FREM1: variants seen among roughly 807,000 people sequenced by gnomAD.
FREM1 encodes FRAS1 related extracellular matrix 1.
Under a neutral mutation model 210.1 loss-of-function variants are expected in FREM1, and 220 were observed. The observed-to-expected ratio is 1.05, with a 90% confidence interval of 0.94 to 1.17. FREM1 has a LOEUF of 1.17. Ranked by LOEUF, FREM1 falls within the 50% of genes most tolerant of loss-of-function variation. The pLI, the probability that FREM1 is intolerant of heterozygous loss-of-function variation, is 0.00. For synonymous variants in FREM1, 1,189 were observed against 980.2 expected (o/e 1.21, Z -3.98); for missense variants, 3,454 against 2,675.5 (o/e 1.29, Z -6.42).
At chr9:14,742,420 T>C (rs1841740053) in intron 35 of FREM1, among the ~76,000 whole-genome samples, 1 of 152,084 alleles carries the variant, frequency 6.6e-6, no homozygotes, top group Non-Finnish European at 1.5e-5. Context: ...GCAGATGAGA[T>C]TACAACATGT....
At chr9:14,893,294 C>T (rs895655449) in intron 1 of FREM1, among the ~76,000 whole-genome samples, 15 of 152,186 alleles carry the variant, frequency 9.9e-5, no homozygotes, top group African/African-American at 3.6e-4. Flanking sequence ...ATCTGTTGTA[C>T]TTTGTGCTAT....
chr9:14,784,228 T>C (rs1850057220), intron 24 of FREM1, 142 bp downstream of exon 24: 1 of 679,244 alleles, frequency 1.5e-6, no homozygotes, highest in East Asian at 3.0e-5. Flanking sequence ...AATTTCATTC[T>C]ATAAATTTAA....
intron 10 of FREM1, among the ~76,000 whole-genome samples, chr9:14,834,289 T>G (rs1018719922): frequency 2.0e-5 from 3 of 152,132 alleles, no homozygotes; most frequent in Non-Finnish European, 4.4e-5. Context: ...TGAAATGAAG[T>G]GCATGGTAGA....
rs1437727369 is a variant in FREM1 at position 14,823,192 on chromosome 9, T to C, written c.2305A>G (p.Thr769Ala). 2 of 1,613,876 alleles carry C rather than the reference T, an allele frequency of 1.2e-6. No individual in the cohort carries two copies. Among genetic ancestry groups the C allele is most frequent in the East Asian group, 2.2e-5 (1 of 44,874 alleles). ...ACTTGATTGTCCACTGGGAGGATTG[T>C]AATGTTAAAGCAGATCCCATGCAAA... ...GTLHGICFNI[T>A]ILPVDNQVPE... Residue 769 changes from threonine (T) to alanine (A), a missense_variant, in exon 13 of 37, where the codon ACA (threonine) becomes GCA (alanine). Coordinates refer to ENST00000380880, the MANE Select transcript of FREM1 (RefSeq NM_001379081.2).
chr9:14,888,213 T>C (rs943630771), intron 1 of FREM1, among the ~76,000 whole-genome samples: 3 of 152,196 alleles, frequency 2.0e-5, no homozygotes, highest in Admixed American at 6.5e-5. Context: ...ATTTTATAGA[T>C]TTGGAAAATG....
At chr9:14,899,698 A>T (rs1644648963) in intron 1 of FREM1, among the ~76,000 whole-genome samples, 1 of 152,232 alleles carries the variant, frequency 6.6e-6, no homozygotes, top group South Asian at 2.1e-4. Flanking sequence ...CAAATAGGCT[A>T]TATTCAAAAT....
At chr9:14,818,727 G>C (rs982351546) in intron 14 of FREM1, among the ~76,000 whole-genome samples, 2 of 152,186 alleles carry the variant, frequency 1.3e-5, no homozygotes, top group Non-Finnish European at 2.9e-5. Flanking sequence ...TCAAGTATTA[G>C]TTTACGCCCT....
chr9:14,807,907 C>A (rs769705553), intron 17 of FREM1, 33 bp downstream of exon 17: 2 of 1,505,108 alleles, frequency 1.3e-6, no homozygotes, highest in Admixed American at 3.4e-5. Context: ...CTAGGTCAGA[C>A]AATAGTACTG....
At chr9:14,737,658 C>A (rs1332448807) in intron 36 of FREM1, 63 bp from the exon 37 acceptor site, 2 of 1,304,404 alleles carry the variant, frequency 1.5e-6, no homozygotes, top group African/African-American at 3.0e-5. Context: ...ATATCATATC[C>A]AGCTGTTGCT....
chr9:14,755,374 G>T (rs937630288), intron 29 of FREM1, among the ~76,000 whole-genome samples: 1 of 152,228 alleles, frequency 6.6e-6, no homozygotes, highest in South Asian at 2.1e-4. Flanking sequence ...AGTGGCAGAT[G>T]ATGTCAATAG....
intron 8 of FREM1, among the ~76,000 whole-genome samples, chr9:14,843,546 G>C (rs567489889): frequency 1.6e-4 from 25 of 152,316 alleles, no homozygotes; most frequent in African/African-American, 4.6e-4. Flanking sequence ...TACATACATA[G>C]ATAGACATTC....
At chr9:14,750,506 G>C (rs1048595957) in intron 29 of FREM1, among the ~76,000 whole-genome samples, 16 of 152,084 alleles carry the variant, frequency 1.1e-4, no homozygotes, top group African/African-American at 3.9e-4. Context: ...TAACAAAAAA[G>C]TAAGCTGCAG....
At chr9:14,872,207 A>T (rs766975471) in intron 1 of FREM1, among the ~76,000 whole-genome samples, 3 of 152,130 alleles carry the variant, frequency 2.0e-5, no homozygotes, top group Non-Finnish European at 4.4e-5. Flanking sequence ...CTGTGAAGAA[A>T]ATCATTGGTA....
At chr9:14,891,519 G>A (rs1836812285) in intron 1 of FREM1, among the ~76,000 whole-genome samples, 1 of 152,160 alleles carries the variant, frequency 6.6e-6, no homozygotes, top group Non-Finnish European at 1.5e-5. Flanking sequence ...TTGAGCCAGG[G>A]AGCTCAAGGC....
chr9:14,760,459 TA>T (rs1845287891), intron 27 of FREM1, among the ~76,000 whole-genome samples: 1 of 152,080 alleles, frequency 6.6e-6, no homozygotes, highest in Non-Finnish European at 1.5e-5. Context: ...TTTCTGTGCA[TA>T]AAAAAAGGAC....
At chr9:14,787,235 A>G (rs1451710421) in intron 23 of FREM1, among the ~76,000 whole-genome samples, 2 of 152,080 alleles carry the variant, frequency 1.3e-5, no homozygotes, top group African/African-American at 4.8e-5. Context: ...AAAGTTATGC[A>G]GCAACCTGAA....
chr9:14,802,788 A>G (rs556678527), intron 19 of FREM1, among the ~76,000 whole-genome samples: 1 of 152,246 alleles, frequency 6.6e-6, no homozygotes, highest in Non-Finnish European at 1.5e-5. Flanking sequence ...AGTATTCTCA[A>G]CAACCCAAGT....
intron 23 of FREM1, among the ~76,000 whole-genome samples, chr9:14,787,021 A>T (rs553600524): frequency 6.6e-6 from 1 of 152,296 alleles, no homozygotes; most frequent in African/African-American, 2.4e-5. Context: ...AACTATAGAC[A>T]ATGTCCTCCT....
intron 1 of FREM1, among the ~76,000 whole-genome samples, chr9:14,877,530 A>C (rs1340989358): frequency 6.6e-6 from 1 of 151,926 alleles, no homozygotes; most frequent in Non-Finnish European, 1.5e-5. Context: ...GTGCCAGCAG[A>C]ATCTGTAACA....
Sources: allele counts gnomAD v4.1 joint callset (sites outside exome capture counted in the v4.1 genomes callset), GRCh38; gene constraint gnomAD v4.1.1; transcripts MANE v1.5; gene names NCBI Gene and HGNC (gene_info 2026-07-23, HGNC 2026-07-21).